Variants in COL22A1 observed in about 807,000 individuals in gnomAD.
COL22A1 encodes the protein collagen alpha-1(XXII) chain.
A neutral mutation model predicts 248.9 loss-of-function variants in COL22A1; 221 were observed. The observed-to-expected ratio is 0.89, with a 90% CI of 0.80 to 0.99. The LOEUF (loss-of-function observed/expected upper bound fraction) is 0.99, where lower values mean the gene tolerates loss of function less well. COL22A1 is among the 50% of genes least tolerant of loss of function. COL22A1 has a pLI of 0.00. For missense variants in COL22A1, 2,240 were observed against 2,179.0 expected (o/e 1.03, Z -0.56); for synonymous variants, 891 against 793.4 (o/e 1.12, Z -2.07).
chr8:138,642,149 G>A lies in COL22A1; in HGVS notation c.3501+4480C>T, dbSNP rs542593459. 1.2e-4 allele frequency among the ~76,000 whole-genome samples: 19 copies of A among 152,274 alleles called. No individual in the cohort carries two copies. In the South Asian group the frequency reaches 3.5e-3, roughly 28 times the overall value. On this transcript the variant is annotated intron_variant, in intron 47 of 64. Transcript: ENST00000303045. ...ATTGCACCCCATTAGGAGCTGTCCT[G>A]GGTGCTGGTGTTGGTATCAGCTGTT...
At chr8:138,844,206 T>C in intron 3 of COL22A1, 48 bp from the exon 4 acceptor site, 1 of 1,559,776 alleles carries the variant, frequency 6.4e-7, no homozygotes. Flanking sequence ...ATGTGACCCA[T>C]CGTCACCCTG....
chr8:138,732,934 A>T (rs1830815549), intron 23 of COL22A1, among the ~76,000 whole-genome samples: 1 of 152,252 alleles, frequency 6.6e-6, no homozygotes, highest in African/African-American at 2.4e-5. Context: ...CATGAAAATT[A>T]CTTGCATAAA....
At chr8:138,846,430 G>A (rs1339995044) in intron 3 of COL22A1, among the ~76,000 whole-genome samples, 2 of 152,176 alleles carry the variant, frequency 1.3e-5, no homozygotes, top group Admixed American at 1.3e-4. Context: ...AGAAATGATG[G>A]AGATTCTACT....
intron 21 of COL22A1, among the ~76,000 whole-genome samples, chr8:138,751,864 G>A (rs971989239): frequency 6.6e-6 from 1 of 152,194 alleles, no homozygotes. Flanking sequence ...CCCTTTCCCT[G>A]CAGCCTGCTG....
chr8:138,684,391 G>A (rs775868080), intron 39 of COL22A1, 34 bp downstream of exon 39: 4 of 1,502,618 alleles, frequency 2.7e-6, no homozygotes, highest in East Asian at 2.3e-5. Context: ...ACGGCAACTC[G>A]TGGCACCCAC....
At chr8:138,746,051 C>T (rs1385351967) in intron 22 of COL22A1, among the ~76,000 whole-genome samples, 2 of 152,228 alleles carry the variant, frequency 1.3e-5, no homozygotes, top group African/African-American at 2.4e-5. Context: ...CCGGGGATGG[C>T]GTGGAGCGTG....
Position 138,679,635 on chromosome 8 carries a change from C to A in COL22A1, c.3054G>T (p.Leu1018=). ...CACTGACCTTAACACATTGCCCTCC[C>A]AGTGCACAGTTTTCTGACCCTCTGA... ...GKVRGSENCA[L]GGQCVKGDRG... Residue 1018 remains leucine, a synonymous_variant, in exon 40 of 65, where the codon CTG becomes CTT. Transcript: ENST00000303045. The A allele has an allele frequency of 6.2e-7, 1 of 1,614,058 alleles. No individual in the cohort carries two copies. Among genetic ancestry groups the A allele is most frequent in the Non-Finnish European group, 8.5e-7 (1 of 1,179,974 alleles).
intron 16 of COL22A1, among the ~76,000 whole-genome samples, chr8:138,774,466 T>C (rs1290271340): frequency 6.6e-6 from 1 of 150,618 alleles, no homozygotes; most frequent in East Asian, 2.0e-4. Context: ...TCGCTCAGGC[T>C]GGAGTGCAGA....
intron 12 of COL22A1, among the ~76,000 whole-genome samples, chr8:138,781,707 G>T (rs572009955): frequency 2.6e-5 from 4 of 152,194 alleles, no homozygotes; most frequent in African/African-American, 9.6e-5. Context: ...TTTGAAACAG[G>T]TAACTCCAGC....
intron 3 of COL22A1, among the ~76,000 whole-genome samples, chr8:138,874,835 G>A (rs1309419959): frequency 6.6e-6 from 1 of 152,160 alleles, no homozygotes; most frequent in Non-Finnish European, 1.5e-5. Context: ...TTGCCTGTGT[G>A]TTGTGGTCTG....
intron 16 of COL22A1, among the ~76,000 whole-genome samples, chr8:138,765,007 T>C (rs1028288270): frequency 5.9e-5 from 9 of 152,154 alleles, no homozygotes; most frequent in African/African-American, 2.2e-4. Context: ...ACGTGACACT[T>C]GGGGCGAATG....
intron 37 of COL22A1, 34 bp downstream of exon 37, chr8:138,688,883 T>C (rs1005959778): frequency 6.3e-7 from 1 of 1,587,860 alleles, no homozygotes. Flanking sequence ...TTAAGGATAT[T>C]CACTTGTGTG....
At chr8:138,599,569 A>T (rs75030845) in intron 60 of COL22A1, among the ~76,000 whole-genome samples, 2,574 of 152,200 alleles carry the variant, frequency 0.017, 66 homozygotes, top group African/African-American at 0.057. Context: ...AATTTTTTTT[A>T]AAAAAACTAG....
chr8:138,595,657 C>CAAGAGAGCTTGGTGATGAAGAACA (rs1817479548), intron 62 of COL22A1, among the ~76,000 whole-genome samples: 1 of 152,086 alleles, frequency 6.6e-6, no homozygotes, highest in African/African-American at 2.4e-5. Flanking sequence ...TGTTCTTTTT[C>CAAGAGAGCTTGGTGATGAAGAACA]CTGCATGGAA....
chr8:138,793,993 C>T (rs943567984), intron 12 of COL22A1, among the ~76,000 whole-genome samples: 2 of 152,180 alleles, frequency 1.3e-5, no homozygotes, highest in Non-Finnish European at 2.9e-5. Context: ...CTCCGGACCC[C>T]GGAAGTCCCG....
At chr8:138,647,067 C>T (rs181786211) in intron 46 of COL22A1, among the ~76,000 whole-genome samples, 1 of 152,182 alleles carries the variant, frequency 6.6e-6, no homozygotes, top group Admixed American at 6.5e-5. Flanking sequence ...ATGGCTCACT[C>T]CCACCTTGGC....
At chr8:138,826,970 T>C (rs1189413487) in intron 5 of COL22A1, among the ~76,000 whole-genome samples, 189 bp from the exon 6 acceptor site, 1 of 152,120 alleles carries the variant, frequency 6.6e-6, no homozygotes, top group Admixed American at 6.5e-5. Context: ...GCCTAGACCA[T>C]CGTCATGACC....
chr8:138,736,911 G>C (rs1453133497), intron 23 of COL22A1, among the ~76,000 whole-genome samples: 1 of 152,168 alleles, frequency 6.6e-6, no homozygotes, highest in African/African-American at 2.4e-5. Flanking sequence ...TTGGAGGACA[G>C]ACTGAGACCC....
Position 138,589,328 on chromosome 8 carries a change from T to A in COL22A1, c.4806A>T (p.Pro1602=), listed in dbSNP as rs1564067409. 5 of 1,613,152 alleles carry A rather than the reference T, an allele frequency of 3.1e-6. No individual in the cohort carries two copies. The highest frequency in any genetic ancestry group is 4.2e-6 in the Non-Finnish European group (5 of 1,179,582). Residue 1602 remains proline, a synonymous_variant, in exon 65 of 65, where the codon CCA becomes CCT. Transcript: ENST00000303045. ...CACACTGGGAAGGGTCACATTGGCC[T>A]GGGGGACCGGGAGGTCCTGGGAGGC... is the stretch of plus-strand genomic sequence containing the variant. ...HPGLPGPPGP[P]GQCDPSQCAY... is the part of the protein sequence containing the mutation.
Sources: gnomAD v4.1 joint callset for allele counts (sites outside exome capture counted in the v4.1 genomes callset) on GRCh38, gnomAD v4.1.1 for gene constraint, MANE v1.5 for transcripts, NCBI Gene and HGNC (gene_info 2026-07-23, HGNC 2026-07-21) for gene names.